MACROD1: variants seen among roughly 807,000 people sequenced by gnomAD.
MACROD1 encodes the protein mono-ADP ribosylhydrolase 1, also known as ADP-ribose glycohydrolase MACROD1.
Under a neutral mutation model 41.4 loss-of-function variants are expected in MACROD1, and 31 were observed. The observed-to-expected ratio is 0.75, with a 90% confidence interval of 0.56 to 1.01. The LOEUF is 1.01. Among genes scored for constraint, MACROD1 ranks in the 50% least tolerant of loss-of-function variants. The probability of loss-of-function intolerance (pLI) is 0.00; values close to 1 mark genes in which losing one functional copy is unlikely to be tolerated. For missense variants in MACROD1, 473 were observed against 460.0 expected (o/e 1.03, Z -0.26); for synonymous variants, 252 against 203.4 (o/e 1.24, Z -2.03).
intron 4 of MACROD1, among the ~76,000 whole-genome samples, chr11:64,006,297 A>G (rs1490734408): frequency 6.6e-6 from 1 of 152,162 alleles, no homozygotes. Context: ...TGCCGGAACC[A>G]TCTTTGCTTC....
chr11:64,065,605 C>G (rs529398138), intron 3 of MACROD1, among the ~76,000 whole-genome samples: 3 of 139,094 alleles, frequency 2.2e-5, no homozygotes, highest in Non-Finnish European at 4.9e-5. Context: ...CTGGCTAACA[C>G]GGTGAAACCC....
intron 1 of MACROD1, among the ~76,000 whole-genome samples, chr11:64,153,185 C>T (rs1945610752): frequency 6.6e-6 from 1 of 152,136 alleles, no homozygotes; most frequent in Non-Finnish European, 1.5e-5. Context: ...AAACCTGGAA[C>T]CCGTCTCAGA....
intron 4 of MACROD1, among the ~76,000 whole-genome samples, chr11:64,013,475 C>T (rs529317025): frequency 1.3e-5 from 2 of 152,306 alleles, no homozygotes; most frequent in South Asian, 4.1e-4. Flanking sequence ...CGGGGCCTGT[C>T]CAGGGAGGCC....
intron 3 of MACROD1, among the ~76,000 whole-genome samples, chr11:64,084,447 G>A (rs949057529): frequency 9.2e-5 from 14 of 151,972 alleles, no homozygotes; most frequent in South Asian, 2.1e-4. Flanking sequence ...GTGGGCAGGC[G>A]CTGTGGAGGC....
chr11:64,018,019 G>T (rs1336170158), intron 3 of MACROD1, among the ~76,000 whole-genome samples: 4 of 152,216 alleles, frequency 2.6e-5, no homozygotes, highest in Non-Finnish European at 5.9e-5. Context: ...GGTGAGTGGG[G>T]TGAACTGACC....
At chr11:64,010,296 T>TGGTG (rs143109582) in intron 4 of MACROD1, among the ~76,000 whole-genome samples, 2 of 86,284 alleles carry the variant, frequency 2.3e-5, no homozygotes, top group South Asian at 3.8e-4. Flanking sequence ...CATGTTGGGG[T>TGGTG]GTTGGAGTGT....
chr11:64,084,638 A>G (rs994585366), intron 3 of MACROD1, among the ~76,000 whole-genome samples: 2 of 152,212 alleles, frequency 1.3e-5, no homozygotes, highest in Non-Finnish European at 2.9e-5. Flanking sequence ...GACCCAGCGC[A>G]TGGCAGTGGG....
At chr11:64,110,602 G>A (rs2186643) in intron 3 of MACROD1, among the ~76,000 whole-genome samples, 49,999 of 151,868 alleles carry the variant, frequency 0.33, 10,611 homozygotes, top group Non-Finnish European at 0.47. Flanking sequence ...CCAGCTAAGC[G>A]GAGGAGTAAT....
At chr11:64,042,373 G>A (rs1220526039) in intron 3 of MACROD1, among the ~76,000 whole-genome samples, 1 of 152,144 alleles carries the variant, frequency 6.6e-6, no homozygotes, top group African/African-American at 2.4e-5. Flanking sequence ...CCCAGACAGT[G>A]GCCATCTGTT....
At chr11:64,010,937 T>C (rs1291507318) in intron 4 of MACROD1, among the ~76,000 whole-genome samples, 1 of 141,312 alleles carries the variant, frequency 7.1e-6, no homozygotes, top group Non-Finnish European at 1.5e-5. Context: ...TTGGCTGGCA[T>C]GTTGGTTGGG....
intron 3 of MACROD1, among the ~76,000 whole-genome samples, chr11:64,102,756 G>T (rs572027338): frequency 2.6e-5 from 4 of 152,228 alleles, no homozygotes; most frequent in African/African-American, 9.6e-5. Context: ...CGGCTCATAG[G>T]CAAGTGGCAT....
chr11:64,004,995 G>C (rs1045567642), intron 4 of MACROD1, among the ~76,000 whole-genome samples: 1 of 117,876 alleles, frequency 8.5e-6, no homozygotes, highest in African/African-American at 3.2e-5. Context: ...GCCCCACAGT[G>C]AGAGGAGGAG....
chr11:64,160,225 G>A (rs1945733360), intron 1 of MACROD1, among the ~76,000 whole-genome samples: 1 of 152,174 alleles, frequency 6.6e-6, no homozygotes, highest in Non-Finnish European at 1.5e-5. Context: ...CCCTGGATAA[G>A]ATCGCATGCT....
chr11:64,069,214 C>A (rs2134457093), intron 3 of MACROD1, among the ~76,000 whole-genome samples: 1 of 152,300 alleles, frequency 6.6e-6, no homozygotes, highest in African/African-American at 2.4e-5. Context: ...CGGCCGGGGG[C>A]CCGAGGTGGG....
At chr11:64,102,343 G>A (rs531974554) in intron 3 of MACROD1, among the ~76,000 whole-genome samples, 5 of 150,982 alleles carry the variant, frequency 3.3e-5, no homozygotes, top group East Asian at 2.0e-4. Flanking sequence ...AGAGGAGGGC[G>A]GCTGCGGGTG....
At chr11:64,153,723 C>T (rs1054913578) in intron 1 of MACROD1, among the ~76,000 whole-genome samples, 1 of 152,154 alleles carries the variant, frequency 6.6e-6, no homozygotes, top group Admixed American at 6.5e-5. Context: ...CCTGGTCAGC[C>T]CCCACTGCTG....
intron 3 of MACROD1, among the ~76,000 whole-genome samples, chr11:64,051,821 A>G (rs1255664416): frequency 6.6e-6 from 1 of 150,594 alleles, no homozygotes; most frequent in Non-Finnish European, 1.5e-5. Context: ...ACCCCCAGGG[A>G]CCTCAAGGCC....
chr11:64,119,503 T>A lies in MACROD1; in HGVS notation c.517+31736A>T, dbSNP rs375920370. 6.8e-5 allele frequency among the ~76,000 whole-genome samples: 10 copies of A among 147,490 alleles called. No individual in the cohort carries two copies. The East Asian group carries it at 1.7e-3, about 24-fold the overall frequency. The stretch of plus-strand genomic sequence containing the variant: ...GCTGAATGTTCCCTCCTAGGACGGG[T>A]AATTAGCGCAGGGATTTTTTTTTTA... On this transcript the variant is annotated intron_variant, in intron 3 of 10. Coordinates refer to ENST00000255681, the MANE Select transcript of MACROD1 (RefSeq NM_014067.4).
rs773354612 is a variant in MACROD1, at chr11:64,117,695, C to T, written c.517+33544G>A. On this transcript the variant is annotated intron_variant, in intron 3 of 10. Transcript: ENST00000255681. ...GGCTGCGCCTGGGCCACAGCCCAGC[C>T]GTGGGCTCCATCACGGAGACCTTGG... 1.2e-5 allele frequency: 20 copies of T among 1,613,598 alleles called. No homozygotes were observed. Among genetic ancestry groups the T allele is most frequent in the South Asian group, 4.4e-5 (4 of 91,042 alleles).
Sources: gnomAD v4.1 joint callset for allele counts (sites outside exome capture counted in the v4.1 genomes callset) on GRCh38, gnomAD v4.1.1 for gene constraint, MANE v1.5 for transcripts, NCBI Gene and HGNC (gene_info 2026-07-23, HGNC 2026-07-21) for gene names.